CAND1: variants seen among roughly 807,000 people sequenced by gnomAD.
CAND1 encodes cullin-associated NEDD8-dissociated protein 1.
Under a neutral mutation model 108.5 loss-of-function variants are expected in CAND1, and 7 were observed. The observed-to-expected ratio is 0.06, with a 90% CI of 0.04 to 0.12. The LOEUF is 0.12. Among genes scored for constraint, CAND1 ranks in the 10% least tolerant of loss-of-function variants. The pLI is 1.00. For synonymous variants in CAND1, 534 were observed against 512.0 expected (o/e 1.04, Z -0.58); for missense variants, 941 against 1,448.7 (o/e 0.65, Z 5.69).
chr12:67,269,875 C>A (rs2044501040), intron 1 of CAND1, 90 bp downstream of exon 1: 3 of 1,128,486 alleles, frequency 2.7e-6, no homozygotes, highest in African/African-American at 1.6e-5. Context: ...CCCCTTCGGC[C>A]GTAGCCGGTA....
chr12:67,286,497 T>C (rs952043724), intron 2 of CAND1, among the ~76,000 whole-genome samples: 16 of 152,014 alleles, frequency 1.1e-4, no homozygotes, highest in African/African-American at 3.9e-4. Context: ...TGTGTAAGTG[T>C]GGTTTTAATT....
At chr12:67,278,739 G>A (rs903540305) in intron 1 of CAND1, among the ~76,000 whole-genome samples, 5 of 151,470 alleles carry the variant, frequency 3.3e-5, no homozygotes, top group African/African-American at 9.7e-5. Flanking sequence ...GGCTGGTGTC[G>A]AACTCCTGAC....
chr12:67,308,454 A>G (rs1378255744), intron 11 of CAND1, among the ~76,000 whole-genome samples: 1 of 152,112 alleles, frequency 6.6e-6, no homozygotes. Context: ...GCAAAATAGG[A>G]CAGAGGAAGA....
At chr12:67,307,356 T>C in intron 10 of CAND1, 41 bp from the exon 11 acceptor site, 1 of 1,395,382 alleles carries the variant, frequency 7.2e-7, no homozygotes, top group Non-Finnish European at 1.0e-6. Flanking sequence ...TGAGTTTTAG[T>C]GGACTACATA....
At chr12:67,277,465 C>T (rs889577474) in intron 1 of CAND1, among the ~76,000 whole-genome samples, 9 of 152,102 alleles carry the variant, frequency 5.9e-5, no homozygotes, top group Non-Finnish European at 1.0e-4. Flanking sequence ...AGCCTTCTTG[C>T]ACTTAGGAAT....
In CAND1 at chr12:67,313,195, A is replaced by G. The variant is rs557242784; in HGVS notation, c.*365A>G. On this transcript the variant is annotated 3_prime_UTR_variant, in exon 15 of 15. Transcript: ENST00000545606. ...TTGTGACCATGAATTTCTTTCTTTTATAAATTTTCTCATTTAAAAATCAAA... is the reference window on the plus strand; with the variant it reads ...TTGTGACCATGAATTTCTTTCTTTTGTAAATTTTCTCATTTAAAAATCAAA... The G allele has an allele frequency of 1.2e-3, 183 of 157,166 alleles. 1 individual carries two copies. The highest frequency in any genetic ancestry group is 4.3e-3 in the African/African-American group (178 of 41,838). The allele number at this position is 157,166 out of a possible 1,614,324, so 9.7% of individuals were successfully genotyped here. A position where few individuals can be genotyped will look rare whatever the true frequency, so the allele number is the denominator to read the frequency against.
intron 10 of CAND1, 52 bp from the exon 11 acceptor site, chr12:67,307,345 G>C: frequency 7.9e-7 from 1 of 1,271,400 alleles, no homozygotes; most frequent in South Asian, 1.2e-5. Context: ...AATGATGTCC[G>C]TGAGTTTTAG....
chr12:67,305,244 G>A lies in CAND1; in HGVS notation c.1576G>A (p.Ala526Thr). 3.7e-6 allele frequency: 6 copies of A among 1,614,126 alleles called. No individual in the cohort carries two copies. Among genetic ancestry groups the A allele is most frequent in the Non-Finnish European group, 4.2e-6 (5 of 1,180,022 alleles). Residue 526 changes from alanine (A) to threonine (T), a missense_variant, in exon 10 of 15, where the codon GCT (alanine) becomes ACT (threonine). By Grantham distance (58) the Ala-to-Thr change is moderately conservative (BLOSUM62 0). Around this residue, in one of 9 missense-constraint regions of CAND1, gnomAD observed 697 missense variants for 942.0 expected, o/e 0.74. Coordinates refer to ENST00000545606, the MANE Select transcript of CAND1 (RefSeq NM_018448.5). This position sits in a 1 kb window ranked among gnomAD's most constrained non-coding sequence, Gnocchi z 4.4. The stretch of plus-strand genomic sequence containing the variant: ...TCAGGCTTTGGTTCCTCCAGTGGTG[G>A]CTTGTGTTGGAGACCCATTTTACAA... Reference protein sequence around the residue: ...HVQALVPPVVACVGDPFYKIT... With the variant: ...HVQALVPPVVTCVGDPFYKIT...
At position 67,299,113 on chromosome 12, in the gene CAND1, G is replaced by T; in HGVS notation, c.1000+18G>T. On this transcript the variant is annotated intron_variant, in intron 7 of 14. Transcript: ENST00000545606. ...TGATCAAGGTATTGCAAATTAAATA[G>T]AATCTTTTGAGTTTTTGTGAAAGAC... The T allele has an allele frequency of 6.6e-7, 1 of 1,505,276 alleles. No individual in the cohort carries two copies. The highest frequency in any genetic ancestry group is 1.3e-5 in the South Asian group (1 of 79,624). The allele number at this position is 1,505,276 out of a possible 1,614,324, so 93.2% of individuals were successfully genotyped here. A position where few individuals can be genotyped will look rare whatever the true frequency, so the allele number is the denominator to read the frequency against.
At chr12:67,287,824 A>G (rs1276261748) in intron 2 of CAND1, among the ~76,000 whole-genome samples, 2 of 128,572 alleles carry the variant, frequency 1.6e-5, no homozygotes, top group Non-Finnish European at 3.4e-5. Context: ...TATATTCATT[A>G]TTCAGTTTGA....
Position 67,313,507 on chromosome 12 carries a change from G to A in CAND1, c.*677G>A, listed in dbSNP as rs1400823919. On this transcript the variant is annotated 3_prime_UTR_variant, in exon 15 of 15. Transcript: ENST00000545606. ...AATATAGAAGTTAAAATAAGTATTA[G>A]TGCAATTTTCAGATATTTATTTTTG... 6.6e-6 allele frequency: 1 copy of A among 152,528 alleles called. No homozygotes were observed. The highest frequency in any genetic ancestry group is 2.4e-5 in the African/African-American group (1 of 41,430). The allele number at this position is 152,528 out of a possible 1,614,324, so 9.4% of individuals were successfully genotyped here.
Position 67,297,858 on chromosome 12 carries a change from G to GT in CAND1, c.854+10dup. 1 of 1,520,662 alleles carries GT rather than the reference G, an allele frequency of 6.6e-7. No homozygotes were observed. The highest frequency in any genetic ancestry group is 9.0e-7 in the Non-Finnish European group (1 of 1,107,134). The allele number at this position is 1,520,662 out of a possible 1,614,324, so 94.2% of individuals were successfully genotyped here. ...CTTTGAATCATTTGTAAGAAGGTAA[G>GT]TTTTTAAGATCTCTATTTTTTACAA... On this transcript the variant is annotated splice_donor_region_variant and intron_variant, in intron 6 of 14. Transcript: ENST00000545606.
At position 67,319,794 on chromosome 12, in the gene CAND1, CTG is replaced by C. The variant is rs1175387567; in HGVS notation, c.*6965_*6966del. ...TGTCTGGTTTGTGACTTTCTGTACT[CTG>C]ATGCCCCCAGCTTTCTGCCTTCTAG... is the stretch of plus-strand genomic sequence containing the variant. On this transcript the variant is annotated 3_prime_UTR_variant, in exon 15 of 15. Transcript: ENST00000545606. 6.6e-6 allele frequency: 1 copy of C among 152,234 alleles called. No individual in the cohort carries two copies. The allele number at this position is 152,234 out of a possible 1,614,324, so 9.4% of individuals were successfully genotyped here.
At chr12:67,284,900 A>G (rs1218227184) in intron 2 of CAND1, among the ~76,000 whole-genome samples, 1 of 152,116 alleles carries the variant, frequency 6.6e-6, no homozygotes, top group Non-Finnish European at 1.5e-5. Flanking sequence ...TTTTGAGGGT[A>G]TTAACCACTT....
intron 14 of CAND1, 52 bp from the exon 15 acceptor site, chr12:67,312,554 A>G (rs2044963051): frequency 8.0e-6 from 10 of 1,243,906 alleles, no homozygotes; most frequent in Non-Finnish European, 4.5e-6. Context: ...AATTTTGTTC[A>G]TGTAAGAGCT....
Position 67,317,382 on chromosome 12 carries a change from T to C in CAND1, c.*4552T>C, listed in dbSNP as rs1229532417. ...AAACTCCTGGGCTCAAGCAATCCTG[T>C]GTTGGCCTCCTAAACTGCTGAGATT... On this transcript the variant is annotated 3_prime_UTR_variant, in exon 15 of 15. Coordinates refer to ENST00000545606, the MANE Select transcript of CAND1 (RefSeq NM_018448.5). 2 of 152,074 alleles carry C rather than the reference T, an allele frequency of 1.3e-5. No individual in the cohort carries two copies. The highest frequency in any genetic ancestry group is 2.9e-5 in the Non-Finnish European group (2 of 68,046). 9.4% of individuals were successfully genotyped at this position (152,074 alleles called of 1,614,324 possible).
chr12:67,318,424 T>C lies in CAND1; in HGVS notation c.*5594T>C, dbSNP rs189062851. 7 of 152,348 alleles carry C rather than the reference T, an allele frequency of 4.6e-5. No individual in the cohort carries two copies. The highest frequency in any genetic ancestry group is 1.9e-4 in the East Asian group (1 of 5,192). 9.4% of individuals were successfully genotyped at this position (152,348 alleles called of 1,614,324 possible). ...TGGGAATTAAAATATTTGCACCTTA[T>C]AGGGTTATTGTGAGGATTAAATAGG... On this transcript the variant is annotated 3_prime_UTR_variant, in exon 15 of 15. Coordinates refer to ENST00000545606, the MANE Select transcript of CAND1 (RefSeq NM_018448.5).
chr12:67,301,727 A>G (rs2044826422), intron 7 of CAND1, among the ~76,000 whole-genome samples: 1 of 152,222 alleles, frequency 6.6e-6, no homozygotes. Context: ...GGTTTAGAAT[A>G]TACATATTTG....
At chr12:67,278,187 G>A (rs1263205924) in intron 1 of CAND1, among the ~76,000 whole-genome samples, 1 of 151,918 alleles carries the variant, frequency 6.6e-6, no homozygotes, top group African/African-American at 2.4e-5. Context: ...CTCAGGCTGG[G>A]GTGCAGTGAC....
Sources: gnomAD v4.1 joint callset for allele counts (sites outside exome capture counted in the v4.1 genomes callset) on GRCh38, gnomAD v4.1.1 for gene constraint, gnomAD v4.1.1 regional missense constraint, Gnocchi (gnomAD v3.1) non-coding constraint, MANE v1.5 for transcripts, NCBI Gene and HGNC (gene_info 2026-07-23, HGNC 2026-07-21) for gene names.